MKLN1: variants seen among roughly 807,000 people sequenced by gnomAD.
The protein encoded by MKLN1 is muskelin.
In MKLN1, 18 loss-of-function variants were observed where a neutral mutation model predicts 99.0. The ratio of observed to expected loss-of-function variants is 0.18; its 90% confidence interval spans 0.13 to 0.27. The LOEUF (loss-of-function observed/expected upper bound fraction) is 0.27, where lower values mean the gene tolerates loss of function less well. MKLN1 is among the 10% of genes least tolerant of loss of function. MKLN1 has a pLI of 1.00. For synonymous variants in MKLN1, 288 were observed against 293.2 expected (o/e 0.98, Z 0.18); for missense variants, 621 against 875.9 (o/e 0.71, Z 3.67).
intron 1 of MKLN1, among the ~76,000 whole-genome samples, chr7:131,355,476 T>G (rs948971346): frequency 3.3e-5 from 5 of 151,816 alleles, no homozygotes; most frequent in Non-Finnish European, 7.4e-5. Flanking sequence ...TCAGGACTGT[T>G]TAAAACAATT....
At chr7:131,355,097 G>A (rs1036795162) in intron 1 of MKLN1, among the ~76,000 whole-genome samples, 7 of 151,920 alleles carry the variant, frequency 4.6e-5, no homozygotes, top group Non-Finnish European at 7.4e-5. Context: ...TTATTTCACT[G>A]TTTTGTATTC....
chr7:131,256,285 G>C (rs994448152), intron 3 of MKLN1, among the ~76,000 whole-genome samples: 1 of 152,134 alleles, frequency 6.6e-6, no homozygotes, highest in African/African-American at 2.4e-5. Flanking sequence ...AACAAAATCT[G>C]AGATAATTTA....
chr7:131,208,057 C>T (rs533182198), intron 3 of MKLN1, among the ~76,000 whole-genome samples: 19 of 152,058 alleles, frequency 1.2e-4, no homozygotes, highest in African/African-American at 4.1e-4. Flanking sequence ...CCCAGACCTT[C>T]GGAAAAGAGT....
chr7:131,403,704 G>A (rs1030734560), intron 6 of MKLN1, among the ~76,000 whole-genome samples: 1 of 152,186 alleles, frequency 6.6e-6, no homozygotes, highest in African/African-American at 2.4e-5. Flanking sequence ...GGCCCAAAGA[G>A]AGGGAGAGAA....
At chr7:131,182,074 C>T (rs934893742) in intron 2 of MKLN1, among the ~76,000 whole-genome samples, 2 of 152,032 alleles carry the variant, frequency 1.3e-5, no homozygotes, top group African/African-American at 4.8e-5. Context: ...GGGGAGGCTG[C>T]AGTGAGCCGA....
intron 9 of MKLN1, 40 bp from the exon 10 acceptor site, chr7:131,437,744 CT>C (rs774493574): frequency 7.1e-7 from 1 of 1,413,736 alleles, no homozygotes; most frequent in South Asian, 1.2e-5. Context: ...TTTTTTTGCT[CT>C]TTATTTGTTT....
intron 3 of MKLN1, among the ~76,000 whole-genome samples, chr7:131,317,043 T>C (rs1011411300): frequency 1.3e-5 from 2 of 152,120 alleles, no homozygotes; most frequent in African/African-American, 2.4e-5. Context: ...TTCAGGATAT[T>C]ATCCAGAACT....
At chr7:131,430,471 AC>A (rs1373348566) in intron 9 of MKLN1, among the ~76,000 whole-genome samples, 6 of 152,078 alleles carry the variant, frequency 3.9e-5, no homozygotes, top group Non-Finnish European at 7.4e-5. Flanking sequence ...TAAAAAAAAA[AC>A]TAACTTTTTT....
At chr7:131,480,509 A>G (rs1643898322) in intron 17 of MKLN1, among the ~76,000 whole-genome samples, 1 of 152,066 alleles carries the variant, frequency 6.6e-6, no homozygotes, top group Admixed American at 6.5e-5. Flanking sequence ...GATCAAGGCA[A>G]CTCCAGTCCT....
chr7:131,215,402 A>G (rs567053098), intron 3 of MKLN1, among the ~76,000 whole-genome samples: 1 of 152,230 alleles, frequency 6.6e-6, no homozygotes, highest in African/African-American at 2.4e-5. Flanking sequence ...CTGGTATGCA[A>G]TGGCACCACA....
intron 3 of MKLN1, among the ~76,000 whole-genome samples, chr7:131,228,031 T>C (rs1797183763): frequency 6.6e-6 from 1 of 152,076 alleles, no homozygotes; most frequent in Non-Finnish European, 1.5e-5. Flanking sequence ...ATCTTTGTTT[T>C]TCATCCTCTT....
intron 3 of MKLN1, among the ~76,000 whole-genome samples, chr7:131,316,151 G>C (rs890246959): frequency 6.6e-6 from 1 of 152,096 alleles, no homozygotes; most frequent in African/African-American, 2.4e-5. Context: ...CTCCCAACAG[G>C]GCTTGACAGA....
chr7:131,291,798 A>G (rs944428857), intron 3 of MKLN1, among the ~76,000 whole-genome samples: 6 of 147,000 alleles, frequency 4.1e-5, no homozygotes, highest in Admixed American at 4.1e-4. Flanking sequence ...AGACATTTAA[A>G]TTTAAAAAAA....
At chr7:131,195,680 C>T (rs531622107) in intron 2 of MKLN1, among the ~76,000 whole-genome samples, 14 of 152,142 alleles carry the variant, frequency 9.2e-5, no homozygotes, top group African/African-American at 2.9e-4. Flanking sequence ...CGGCTGGGCC[C>T]GGTGGCTCAC....
rs552157336 is a variant in MKLN1 at position 131,224,975 on chromosome 7, A to C, written c.-179+22001A>C. ...GTAGTCCCAGCTACTCGGGAGGCTG[A>C]GGCAGGAGAATGGTGCGAACCCGGG... On this transcript the variant is annotated intron_variant, in intron 3 of 7. Coordinates refer to the MKLN1 transcript ENST00000416992. Among the ~76,000 whole-genome samples, 6 of 151,888 alleles carry C rather than the reference A, an allele frequency of 4.0e-5. No individual in the cohort carries two copies. The East Asian group carries it at 9.7e-4, about 24-fold the overall frequency.
chr7:131,288,334 C>T (rs1798163899), intron 3 of MKLN1, among the ~76,000 whole-genome samples: 1 of 152,128 alleles, frequency 6.6e-6, no homozygotes, highest in Non-Finnish European at 1.5e-5. Context: ...CTCTGATAAA[C>T]TGTTTCTCTT....
At chr7:131,247,235 C>CTTTT (rs72068521) in intron 3 of MKLN1, among the ~76,000 whole-genome samples, 1 of 141,148 alleles carries the variant, frequency 7.1e-6, no homozygotes, top group South Asian at 2.3e-4. Context: ...TTTCTTTTTT[C>CTTTT]TTTTTTTTTT....
intron 10 of MKLN1, among the ~76,000 whole-genome samples, chr7:131,439,710 G>A (rs190088928): frequency 3.5e-4 from 53 of 152,156 alleles, no homozygotes; most frequent in Admixed American, 2.7e-3. Flanking sequence ...ATGCTTAAAA[G>A]CTATTTGCCA....
intron 5 of MKLN1, among the ~76,000 whole-genome samples, chr7:131,398,081 A>G (rs188937391): frequency 2.3e-3 from 348 of 152,256 alleles, no homozygotes; most frequent in African/African-American, 8.0e-3. Flanking sequence ...AATCTTATAC[A>G]TCTTCCTAAA....
Sources: allele counts gnomAD v4.1 joint callset (sites outside exome capture counted in the v4.1 genomes callset), GRCh38; gene constraint gnomAD v4.1.1; transcripts MANE v1.5; gene names NCBI Gene and HGNC (gene_info 2026-07-23, HGNC 2026-07-21).